PGGT1B: variants seen among roughly 807,000 people sequenced by gnomAD.
The protein encoded by PGGT1B is protein geranylgeranyltransferase type I subunit beta.
PGGT1B carries 30 observed loss-of-function variants against 46.1 expected under a neutral mutation model. The observed-to-expected ratio is 0.65, with a 90% CI of 0.49 to 0.88. The LOEUF is 0.88. PGGT1B is among the 40% of genes least tolerant of loss of function. The probability of loss-of-function intolerance (pLI) is 0.00; values close to 1 mark genes in which losing one functional copy is unlikely to be tolerated. For synonymous variants in PGGT1B, 170 were observed against 160.0 expected, an observed-to-expected ratio of 1.06 and a Z score of -0.47; for missense variants, 376 against 455.9, an observed-to-expected ratio of 0.82 and a Z score of 1.60.
chr5:115,212,684 G>T (rs929436698), intron 8 of PGGT1B, 101 bp from the exon 9 acceptor site: 17 of 751,184 alleles, frequency 2.3e-5, no homozygotes, highest in African/African-American at 2.2e-4. Flanking sequence ...TCCATTAAAA[G>T]TAAGTTTAGA....
intron 2 of PGGT1B, among the ~76,000 whole-genome samples, chr5:115,242,024 T>G (rs1580768315): frequency 6.6e-6 from 1 of 152,204 alleles, no homozygotes; most frequent in South Asian, 2.1e-4. Context: ...CTTTAACTCA[T>G]TTAGTGTGTT....
In PGGT1B at chr5:115,236,465, G is replaced by T. The variant is rs1282853105; in HGVS notation, c.537C>A (p.Ser179=). 5.0e-6 allele frequency: 8 copies of T among 1,588,668 alleles called. No individual in the cohort carries two copies. The highest frequency in any genetic ancestry group is 1.2e-5 in the South Asian group (1 of 86,348). Residue 179 remains serine (S), a synonymous_variant, in exon 5 of 9, where the codon TCC becomes TCA. Coordinates refer to ENST00000419445, the MANE Select transcript of PGGT1B (RefSeq NM_005023.4). ...AGTTGTTGAGCATATAGCAAATACAGGAAGCACAGTACACAAATCGCATGT... is the reference window on the plus strand; with the variant it reads ...AGTTGTTGAGCATATAGCAAATACATGAAGCACAGTACACAAATCGCATGT... ...ENDMRFVYCA[S]CICYMLNNWS...
intron 2 of PGGT1B, among the ~76,000 whole-genome samples, chr5:115,251,885 A>C (rs968648398): frequency 4.6e-5 from 7 of 152,068 alleles, no homozygotes; most frequent in Admixed American, 2.6e-4. Flanking sequence ...TCAGTCTAAT[A>C]ATCAACTGTT....
rs990820829 is a variant in PGGT1B at position 115,205,114 on chromosome 5, C to T, written c.*7288G>A. 1 of 152,174 alleles carries T rather than the reference C, an allele frequency of 6.6e-6. No individual in the cohort carries two copies. The highest frequency in any genetic ancestry group is 2.4e-5 in the African/African-American group (1 of 41,454). 9.4% of individuals were successfully genotyped at this position (152,174 alleles called of 1,614,324 possible). ...TCTTTAGAGATTTCATAAAGCTCTA[C>T]CAAACTCCTTGACTTGCTCATGTAG... On this transcript the variant is annotated 3_prime_UTR_variant, in exon 9 of 9. Transcript: ENST00000419445.
intron 8 of PGGT1B, among the ~76,000 whole-genome samples, chr5:115,213,115 T>G (rs1170505630): frequency 6.6e-6 from 1 of 152,220 alleles, no homozygotes; most frequent in Non-Finnish European, 1.5e-5. Context: ...GCAAAAATAA[T>G]CCATTCTGGA....
rs1757231556 is a variant in PGGT1B, at chr5:115,237,913, C to G, written c.424G>C (p.Val142Leu). 6.2e-7 allele frequency: 1 copy of G among 1,612,188 alleles called. No homozygotes were observed. Among genetic ancestry groups the G allele is most frequent in the East Asian group, 2.2e-5 (1 of 44,854 alleles). ...CCCGCTAAGCAAGCTTCTTTATTTA[C>G]TCGGCTTAAGTCGTCTCCAAGAATA... The part of the protein sequence containing the change: ...LVILGDDLSR[V>L]NKEACLAGLR... The change falls in exon 4 of 9, where the codon GTA becomes CTA. Residue 142 changes from valine to leucine, a missense_variant. Transcript: ENST00000419445.
At chr5:115,235,231 G>A (rs1436770947) in intron 5 of PGGT1B, among the ~76,000 whole-genome samples, 2 of 151,944 alleles carry the variant, frequency 1.3e-5, no homozygotes, top group East Asian at 3.9e-4. Flanking sequence ...ACAACCCACT[G>A]AATAAAATAA....
rs1757187213 is a variant in PGGT1B, at chr5:115,236,532, A to G, written c.480-10T>C. 6.6e-7 allele frequency: 1 copy of G among 1,514,714 alleles called. No individual in the cohort carries two copies. The highest frequency in any genetic ancestry group is 8.8e-7 in the Non-Finnish European group (1 of 1,138,170). The allele number at this position is 1,514,714 out of a possible 1,614,324, so 93.8% of individuals were successfully genotyped here. A position where few individuals can be genotyped will look rare whatever the true frequency, so the allele number is the denominator to read the frequency against. On this transcript the variant is annotated splice_polypyrimidine_tract_variant and intron_variant, in intron 4 of 8. Transcript: ENST00000419445. ...AGGTACTGCACAAAAACTGAAAATA[A>G]TAACAACAATATGATTTTCTATTAA...
At chr5:115,225,313 C>T (rs1756737263) in intron 6 of PGGT1B, among the ~76,000 whole-genome samples, 2 of 152,190 alleles carry the variant, frequency 1.3e-5, no homozygotes, top group African/African-American at 4.8e-5. Context: ...TAAAACATCA[C>T]AGATGAAAGG....
rs1248793374 is a variant in PGGT1B at position 115,207,738 on chromosome 5, C to G, written c.*4664G>C. The G allele has an allele frequency of 6.6e-6, 1 of 151,838 alleles. No individual in the cohort carries two copies. The highest frequency in any genetic ancestry group is 1.5e-5 in the Non-Finnish European group (1 of 67,890). The allele number at this position is 151,838 out of a possible 1,614,324, so 9.4% of individuals were successfully genotyped here. On this transcript the variant is annotated 3_prime_UTR_variant, in exon 9 of 9. Transcript: ENST00000419445. ...TATTCATATCTGCAAATAGTTTTAC[C>G]TCTTCCTTTCCAATTCACGTCTTTA...
rs537629894 is a variant in PGGT1B at position 115,261,724 on chromosome 5, G to A, written c.140+988C>T. On this transcript the variant is annotated intron_variant, in intron 1 of 8. Coordinates refer to ENST00000419445, the MANE Select transcript of PGGT1B (RefSeq NM_005023.4). ...ACATACGTAATGTGAGGTGGTCATTGGAAGTGGTCCCTTTAGGAAGGGTGT... is the reference window on the plus strand; with the variant it reads ...ACATACGTAATGTGAGGTGGTCATTAGAAGTGGTCCCTTTAGGAAGGGTGT... Among the ~76,000 whole-genome samples the A allele has an allele frequency of 1.4e-4, 21 of 152,300 alleles. No individual in the cohort carries two copies. The East Asian group carries it at 3.9e-3, about 28-fold the overall frequency.
rs1226658588 is a variant in PGGT1B at position 115,221,945 on chromosome 5, G to A, written c.722C>T (p.Ser241Leu). The change falls in exon 7 of 9, where the codon TCA becomes TTA. Residue 241 changes from serine (S) to leucine (L), a missense_variant. Physicochemically the swap from Ser to Leu is moderately radical, Grantham distance 145. Coordinates refer to ENST00000419445, the MANE Select transcript of PGGT1B (RefSeq NM_005023.4). ...CTTTATCCTGTTCAATTCTTTTTCT[G>A]AAAAAACTTCTTCTAGTTTACCCAT... ...CLMGKLEEVF[S>L]EKELNRIKRW... The A allele has an allele frequency of 1.9e-6, 3 of 1,602,034 alleles. No homozygotes were observed. The highest frequency in any genetic ancestry group is 1.4e-5 in the African/African-American group (1 of 74,056).
chr5:115,233,747 T>C (rs1287280203), intron 5 of PGGT1B, among the ~76,000 whole-genome samples: 1 of 151,876 alleles, frequency 6.6e-6, no homozygotes, highest in Admixed American at 6.6e-5. Context: ...AAATATCACT[T>C]TTCGACTACC....
At chr5:115,250,107 C>T (rs952690473) in intron 2 of PGGT1B, among the ~76,000 whole-genome samples, 2 of 152,104 alleles carry the variant, frequency 1.3e-5, no homozygotes, top group South Asian at 2.1e-4. Context: ...TCTTTTACTA[C>T]ATAAAGTATT....
rs767386908 is a variant in PGGT1B at position 115,237,858 on chromosome 5, C to T, written c.479G>A (p.Ser160Asn). The change falls in exon 4 of 9, where the codon AGT becomes AAT. Residue 160 changes from serine (S) to asparagine (N), a missense_variant and splice_region_variant. Physicochemically the swap from Ser to Asn is conservative, Grantham distance 46 (BLOSUM62 1). Transcript: ENST00000419445. ...AAAAGTAACAAAGAATCACTCATAC[C>T]TCCCATCTTCCAGCTGAAGGGCTCT... ...GLRALQLEDG[S>N]FCAVPEGSEN... The T allele has an allele frequency of 6.3e-7, 1 of 1,599,402 alleles. No individual in the cohort carries two copies. Among genetic ancestry groups the T allele is most frequent in the Admixed American group, 1.8e-5 (1 of 56,410 alleles).
At position 115,221,824 on chromosome 5, in the gene PGGT1B, C is replaced by G; in HGVS notation, c.843G>C (p.Lys281Asn). Residue 281 changes from lysine (K) to asparagine (N), a missense_variant and splice_region_variant, in exon 7 of 9, where the codon AAG (lysine) becomes AAC (asparagine). Transcript: ENST00000419445. Reference sequence around the variant, plus strand: ...TCTCATTTTTTATTATTTCTCTTACCTTCAGAGTTGCTCCCACCCAAAAAG... The same window carrying G: ...TCTCATTTTTTATTATTTCTCTTACGTTCAGAGTTGCTCCCACCCAAAAAG... ...CYSFWVGATL[K>N]LLKIFQYTNF... 1.9e-6 allele frequency: 3 copies of G among 1,558,920 alleles called. No homozygotes were observed. Among genetic ancestry groups the G allele is most frequent in the Non-Finnish European group, 2.6e-6 (3 of 1,153,012 alleles).
intron 6 of PGGT1B, among the ~76,000 whole-genome samples, chr5:115,224,874 T>C (rs909050536): frequency 6.7e-6 from 1 of 150,172 alleles, no homozygotes; most frequent in African/African-American, 2.4e-5. Context: ...TAGAAGAGTG[T>C]TAAAGGCAGA....
chr5:115,252,464 T>C (rs1043723697), intron 2 of PGGT1B, among the ~76,000 whole-genome samples: 5 of 151,978 alleles, frequency 3.3e-5, no homozygotes, highest in Non-Finnish European at 7.4e-5. Flanking sequence ...AAGCATGATT[T>C]TCTAGGAGTT....
chr5:115,212,888 T>G (rs1028676617), intron 8 of PGGT1B, among the ~76,000 whole-genome samples: 1 of 152,212 alleles, frequency 6.6e-6, no homozygotes, highest in African/African-American at 2.4e-5. Context: ...AGCAGTCATA[T>G]GTAAGACTTC....
Sources: allele counts gnomAD v4.1 joint callset (sites outside exome capture counted in the v4.1 genomes callset), GRCh38; gene constraint gnomAD v4.1.1; transcripts MANE v1.5; gene names NCBI Gene and HGNC (gene_info 2026-07-23, HGNC 2026-07-21).